ADIPOR2: variants seen among roughly 807,000 people sequenced by gnomAD.
ADIPOR2 encodes the protein adiponectin receptor 2.
ADIPOR2 carries 18 observed loss-of-function variants against 40.9 expected under a neutral mutation model. The observed-to-expected ratio is 0.44, with a 90% CI of 0.30 to 0.65. The LOEUF is 0.65. Ranked by LOEUF, ADIPOR2 falls within the 30% of genes least tolerant of loss-of-function variation. The pLI is 0.09. For synonymous variants in ADIPOR2, 165 were observed against 166.4 expected (o/e 0.99, Z 0.06); for missense variants, 283 against 479.2 (o/e 0.59, Z 3.82).
chr12:1,738,705 T>C (rs1324861402), intron 1 of ADIPOR2, among the ~76,000 whole-genome samples: 3 of 152,230 alleles, frequency 2.0e-5, no homozygotes, highest in African/African-American at 7.2e-5. Flanking sequence ...CTCAAAACTA[T>C]CTTGTCAGCC....
At chr12:1,781,883 C>G (rs943198784) in intron 6 of ADIPOR2, among the ~76,000 whole-genome samples, 2 of 152,206 alleles carry the variant, frequency 1.3e-5, no homozygotes, top group African/African-American at 4.8e-5. Flanking sequence ...TGCCGTCCTC[C>G]TTTTTGTGTT....
At chr12:1,748,343 G>A (rs1387768128) in intron 1 of ADIPOR2, among the ~76,000 whole-genome samples, 3 of 152,040 alleles carry the variant, frequency 2.0e-5, no homozygotes. Context: ...CCGCCTCCCG[G>A]GTTCACGCCA....
At chr12:1,699,748 A>G (rs1298113807) in intron 1 of ADIPOR2, among the ~76,000 whole-genome samples, 1 of 152,260 alleles carries the variant, frequency 6.6e-6, no homozygotes, top group Non-Finnish European at 1.5e-5. Flanking sequence ...ACGAACTGAT[A>G]TCTTAGGACC....
chr12:1,736,713 G>A (rs1033881889), intron 1 of ADIPOR2, among the ~76,000 whole-genome samples: 1 of 152,024 alleles, frequency 6.6e-6, no homozygotes, highest in Non-Finnish European at 1.5e-5. Flanking sequence ...TTAGGGTGTC[G>A]ATTTTAGATC....
At chr12:1,697,333 T>C (rs2094641246) in intron 1 of ADIPOR2, 1 of 152,342 alleles carries the variant, frequency 6.6e-6, no homozygotes, top group African/African-American at 2.4e-5. Context: ...CATACTGCAC[T>C]TGTAGGTCTC....
intron 1 of ADIPOR2, among the ~76,000 whole-genome samples, chr12:1,732,356 T>C (rs1341087374): frequency 6.6e-6 from 1 of 152,226 alleles, no homozygotes; most frequent in Non-Finnish European, 1.5e-5. Context: ...ATCTTTTTAC[T>C]GTCTCCTTAG....
chr12:1,777,925 C>T lies in ADIPOR2; in HGVS notation c.363C>T (p.Leu121=). The T allele has an allele frequency of 6.2e-7, 1 of 1,614,100 alleles. No homozygotes were observed. Among genetic ancestry groups the T allele is most frequent in the Admixed American group, 1.7e-5 (1 of 60,020 alleles). The change falls in exon 4 of 8, where the codon CTC becomes CTT. Residue 121 remains leucine, a synonymous_variant. Coordinates refer to ENST00000357103, the MANE Select transcript of ADIPOR2 (RefSeq NM_024551.3). Reference sequence around the variant, plus strand: ...ACTGGCTCAAGGATAATGACTTCCTCTTGCATGGACACCGGCCTCCTATGC... The same window carrying T: ...ACTGGCTCAAGGATAATGACTTCCTTTTGCATGGACACCGGCCTCCTATGC... The part of the protein sequence containing the change: ...LPDWLKDNDF[L]LHGHRPPMPS...
chr12:1,746,361 G>T lies in ADIPOR2; in HGVS notation c.-86-7897G>T, dbSNP rs572403746. On this transcript the variant is annotated intron_variant, in intron 1 of 7. Transcript: ENST00000357103. Reference sequence around the variant, plus strand: ...AGATTAGCCGGGCATGGTGGTGTGTGCCTGTAATCCCAGCTACTCAGGAAG... The same window carrying T: ...AGATTAGCCGGGCATGGTGGTGTGTTCCTGTAATCCCAGCTACTCAGGAAG... 7.9e-5 allele frequency among the ~76,000 whole-genome samples: 12 copies of T among 152,180 alleles called. No individual in the cohort carries two copies. The South Asian group carries it at 2.5e-3, about 32-fold the overall frequency.
chr12:1,748,410 G>T (rs993330629), intron 1 of ADIPOR2, among the ~76,000 whole-genome samples: 6 of 151,954 alleles, frequency 3.9e-5, no homozygotes, highest in Admixed American at 6.6e-5. Flanking sequence ...CACCACGCCT[G>T]GCTAATTTTT....
intron 3 of ADIPOR2, among the ~76,000 whole-genome samples, chr12:1,776,491 ATG>A (rs533296030): frequency 3.9e-5 from 6 of 152,198 alleles, no homozygotes; most frequent in Non-Finnish European, 8.8e-5. Flanking sequence ...AAGATAAACC[ATG>A]TGCCTGCCAT....
chr12:1,698,892 T>G (rs79468028), intron 1 of ADIPOR2, among the ~76,000 whole-genome samples: 1,798 of 152,280 alleles, frequency 0.012, 43 homozygotes, highest in African/African-American at 0.042. Flanking sequence ...TTTGTTTATC[T>G]GATAGGAGGT....
chr12:1,695,393 T>C (rs7135229), intron 1 of ADIPOR2, among the ~76,000 whole-genome samples: 146,847 of 151,656 alleles, frequency 0.97, 71,278 homozygotes, highest in East Asian at 1. Flanking sequence ...GTGGCTAACG[T>C]CGGTAATCCT....
chr12:1,772,170 A>G (rs952363865), intron 2 of ADIPOR2, among the ~76,000 whole-genome samples: 2 of 152,042 alleles, frequency 1.3e-5, no homozygotes, highest in Non-Finnish European at 2.9e-5. Flanking sequence ...TTCTTTTTCC[A>G]TTTCTCTAGA....
In ADIPOR2 at chr12:1,786,145, T is replaced by C; in HGVS notation, c.*73T>C. ...ACTTGCGGGCCTCCCTGCTGGCTAC[T>C]GATGCCAGTACCAGAGGAGCCCCAA... On this transcript the variant is annotated 3_prime_UTR_variant, in exon 8 of 8. Transcript: ENST00000357103. The C allele has an allele frequency of 6.4e-7, 1 of 1,556,678 alleles. No individual in the cohort carries two copies. The highest frequency in any genetic ancestry group is 1.2e-5 in the South Asian group (1 of 82,034).
intron 1 of ADIPOR2, among the ~76,000 whole-genome samples, chr12:1,738,260 G>T (rs578120304): frequency 4.0e-5 from 6 of 151,746 alleles, no homozygotes; most frequent in Admixed American, 6.6e-5. Context: ...ATGTGCCTGT[G>T]GTCCCAGCTA....
At chr12:1,707,811 T>C (rs571645792) in intron 1 of ADIPOR2, among the ~76,000 whole-genome samples, 1 of 152,332 alleles carries the variant, frequency 6.6e-6, no homozygotes, top group African/African-American at 2.4e-5. Context: ...TGTTGAACAC[T>C]TCTTCATGTG....
intron 1 of ADIPOR2, among the ~76,000 whole-genome samples, chr12:1,727,465 A>G (rs904550929): frequency 1.3e-5 from 2 of 152,206 alleles, no homozygotes; most frequent in Non-Finnish European, 2.9e-5. Flanking sequence ...CATTGCATGT[A>G]TAATTATTAT....
At chr12:1,752,434 T>C (rs1447546608) in intron 1 of ADIPOR2, among the ~76,000 whole-genome samples, 1 of 152,014 alleles carries the variant, frequency 6.6e-6, no homozygotes, top group Non-Finnish European at 1.5e-5. Flanking sequence ...TTTACAAAGC[T>C]TTATTCTACT....
chr12:1,743,240 A>AAAAC (rs1555169149), intron 1 of ADIPOR2, among the ~76,000 whole-genome samples: 6,341 of 132,930 alleles, frequency 0.048, 598 homozygotes, highest in African/African-American at 0.16. Flanking sequence ...AAAAAAAAAA[A>AAAAC]AAAAAACAAA....
Sources: allele counts gnomAD v4.1 joint callset (sites outside exome capture counted in the v4.1 genomes callset), GRCh38; gene constraint gnomAD v4.1.1; transcripts MANE v1.5; gene names NCBI Gene and HGNC (gene_info 2026-07-23, HGNC 2026-07-21).